Variants in USP49 observed in about 807,000 individuals in gnomAD.
USP49 encodes the protein ubiquitin specific peptidase 49.
USP49 carries 24 observed loss-of-function variants against 58.6 expected under a neutral mutation model. The observed-to-expected ratio is 0.41, with a 90% CI of 0.30 to 0.58. The LOEUF (loss-of-function observed/expected upper bound fraction) is 0.58. Among genes scored for constraint, USP49 ranks in the 20% least tolerant of loss-of-function variants. The pLI is 0.30. For synonymous variants in USP49, 408 were observed against 365.1 expected (o/e 1.12, Z -1.34); for missense variants, 703 against 866.1 (o/e 0.81, Z 2.36).
At chr6:41,886,143 T>C (rs905182125) in intron 2 of USP49, among the ~76,000 whole-genome samples, 2 of 152,230 alleles carry the variant, frequency 1.3e-5, no homozygotes, top group Non-Finnish European at 1.5e-5. Context: ...TTTGACCTCT[T>C]TTAGATACAA....
intron 3 of USP49, among the ~76,000 whole-genome samples, chr6:41,857,068 T>G (rs893184762): frequency 2.0e-5 from 3 of 152,130 alleles, no homozygotes; most frequent in African/African-American, 7.2e-5. Flanking sequence ...AGGACCAGTG[T>G]GTGCAACTGG....
intron 3 of USP49, among the ~76,000 whole-genome samples, chr6:41,843,063 T>C (rs1773853445): frequency 6.6e-6 from 1 of 152,264 alleles, no homozygotes; most frequent in East Asian, 1.9e-4. Context: ...TATGTGCCAC[T>C]GCACCCAGCC....
intron 2 of USP49, among the ~76,000 whole-genome samples, chr6:41,875,622 A>G (rs2127360937): frequency 6.6e-6 from 1 of 152,166 alleles, no homozygotes; most frequent in East Asian, 1.9e-4. Flanking sequence ...CACTATCCTT[A>G]TTTTCCACTA....
rs140001289 is a variant in USP49 at position 41,803,297 on chromosome 6, TTTGTTGTTGTTG to T, written c.1561+497_1561+508del. On this transcript the variant is annotated intron_variant, in intron 5 of 7. Transcript: ENST00000682992. The surrounding 1 kb of genome is among the most constrained non-coding windows in gnomAD (Gnocchi z 4.1). ...AATCAACTCCTAGGTCTTTGTTTCATTTGTTGTTGTTGTTGTTGTTGTTTGAAACGGAGTCTT... is the reference window on the plus strand; with the variant it reads ...AATCAACTCCTAGGTCTTTGTTTCATTTGTTGTTGTTTGAAACGGAGTCTT... Among the ~76,000 whole-genome samples the T allele has an allele frequency of 6.6e-6, 1 of 151,508 alleles. No individual in the cohort carries two copies. Among genetic ancestry groups the T allele is most frequent in the Non-Finnish European group, 1.5e-5 (1 of 67,862 alleles).
chr6:41,844,056 A>C (rs1380901835), intron 3 of USP49, among the ~76,000 whole-genome samples: 1 of 151,780 alleles, frequency 6.6e-6, no homozygotes, highest in Non-Finnish European at 1.5e-5. Context: ...AAAAATAAAT[A>C]AATAAATACA....
chr6:41,888,048 C>CTTTTTTTTTT (rs35468035), intron 2 of USP49, among the ~76,000 whole-genome samples: 47 of 85,504 alleles, frequency 5.5e-4, no homozygotes, highest in South Asian at 1.5e-3. Context: ...TCACAATCAG[C>CTTTTTTTTTT]TTTTTTTTTT....
At chr6:41,813,881 C>T (rs919997418) in intron 3 of USP49, among the ~76,000 whole-genome samples, 6 of 152,170 alleles carry the variant, frequency 3.9e-5, no homozygotes, top group East Asian at 3.8e-4. Flanking sequence ...CAGGTATACT[C>T]GGGTCAAGAA....
chr6:41,846,985 G>C (rs1002422676), intron 3 of USP49, among the ~76,000 whole-genome samples: 3 of 152,202 alleles, frequency 2.0e-5, no homozygotes, highest in Non-Finnish European at 4.4e-5. Flanking sequence ...GGGGGAGCAA[G>C]AGGTCAGAAA....
At chr6:41,887,441 C>T (rs1041517527) in intron 2 of USP49, 2 of 152,222 alleles carry the variant, frequency 1.3e-5, no homozygotes, top group African/African-American at 4.8e-5. Context: ...CTAATCCTCC[C>T]CAAATCCCAC....
At chr6:41,822,649 C>A (rs1289683943) in intron 3 of USP49, among the ~76,000 whole-genome samples, 20 of 152,078 alleles carry the variant, frequency 1.3e-4, no homozygotes, top group African/African-American at 4.8e-4. Flanking sequence ...AAATCAAGAC[C>A]ATCCTGTCCA....
chr6:41,839,564 CAAA>C (rs137975096), intron 3 of USP49, among the ~76,000 whole-genome samples: 1 of 147,440 alleles, frequency 6.8e-6, no homozygotes, highest in Admixed American at 6.8e-5. Flanking sequence ...TAAATTGAAA[CAAA>C]AAAAAATACA....
At chr6:41,847,524 G>A (rs1299757071) in intron 3 of USP49, among the ~76,000 whole-genome samples, 1 of 152,106 alleles carries the variant, frequency 6.6e-6, no homozygotes, top group Non-Finnish European at 1.5e-5. Context: ...GACCATCCTG[G>A]CCAAAATGGT....
rs1772824827 is a variant in USP49, at chr6:41,793,030, GC to G, written c.*3502del. On this transcript the variant is annotated 3_prime_UTR_variant, in exon 8 of 8. Transcript: ENST00000682992. The stretch of plus-strand genomic sequence containing the variant: ...CTCTCTAGGGCTTATGCTGGGGCAT[GC>G]CCCACTGTCAGCCAATCCACCTCAT... The G allele has an allele frequency of 6.9e-6, 1 of 145,878 alleles. No individual in the cohort carries two copies. Among genetic ancestry groups the G allele is most frequent in the South Asian group, 2.2e-4 (1 of 4,642 alleles). 9.0% of individuals were successfully genotyped at this position (145,878 alleles called of 1,614,324 possible).
rs536049234 is a variant in USP49, at chr6:41,888,434, C to T, written c.-103+3360G>A. Among the ~76,000 whole-genome samples, 34 of 151,916 alleles carry T rather than the reference C, an allele frequency of 2.2e-4. No homozygotes were observed. The South Asian group carries it at 2.9e-3, about 13-fold the overall frequency. On this transcript the variant is annotated intron_variant, in intron 2 of 7. Transcript: ENST00000682992. ...GAGTGGGGAAAAAAGGAAAAGAAGCCCACAAGTGCTGTTTTTTTGTTTGTT... is the reference window on the plus strand; with the variant it reads ...GAGTGGGGAAAAAAGGAAAAGAAGCTCACAAGTGCTGTTTTTTTGTTTGTT...
intron 3 of USP49, among the ~76,000 whole-genome samples, chr6:41,857,175 C>T (rs1035320141): frequency 6.6e-5 from 10 of 152,196 alleles, no homozygotes; most frequent in Non-Finnish European, 2.9e-5. Context: ...CTTCTTCAAC[C>T]AGTTATTTAT....
At chr6:41,821,410 A>G (rs1258046552) in intron 3 of USP49, among the ~76,000 whole-genome samples, 3 of 152,186 alleles carry the variant, frequency 2.0e-5, no homozygotes, top group African/African-American at 7.2e-5. Flanking sequence ...CACTTTAGTC[A>G]GTCTGTTGAA....
Position 41,803,733 on chromosome 6 carries a change from G to A in USP49, c.1561+73C>T. 1.3e-6 allele frequency: 2 copies of A among 1,505,612 alleles called. No homozygotes were observed. Among genetic ancestry groups the A allele is most frequent in the African/African-American group, 1.4e-5 (1 of 72,822 alleles). 93.3% of individuals were successfully genotyped at this position (1,505,612 alleles called of 1,614,324 possible). Reference sequence around the variant, plus strand: ...ATTAGTGTTACTTTTGACTAAAGAGGACAAAGCAGCACCTTAAACTGATAT... The same window carrying A: ...ATTAGTGTTACTTTTGACTAAAGAGAACAAAGCAGCACCTTAAACTGATAT... On this transcript the variant is annotated intron_variant, in intron 5 of 7. Coordinates refer to ENST00000682992, the MANE Select transcript of USP49 (RefSeq NM_001286554.2). The surrounding 1 kb of genome is among the most constrained non-coding windows in gnomAD (Gnocchi z 4.1).
At chr6:41,838,541 C>G (rs896011013) in intron 3 of USP49, among the ~76,000 whole-genome samples, 1 of 152,176 alleles carries the variant, frequency 6.6e-6, no homozygotes, top group African/African-American at 2.4e-5. Flanking sequence ...CAGTCCAGCT[C>G]TAAGGAAGCC....
intron 3 of USP49, among the ~76,000 whole-genome samples, chr6:41,871,064 TAAATA>T (rs1363989481): frequency 6.6e-6 from 1 of 151,746 alleles, no homozygotes; most frequent in Non-Finnish European, 1.5e-5. Context: ...ACTAAATAAA[TAAATA>T]AAAGAATTCC....
Sources: allele counts gnomAD v4.1 joint callset (sites outside exome capture counted in the v4.1 genomes callset), GRCh38; gene constraint gnomAD v4.1.1; non-coding constraint Gnocchi (gnomAD v3.1); transcripts MANE v1.5; gene names NCBI Gene and HGNC (gene_info 2026-07-23, HGNC 2026-07-21).